RNASEH2B: variants seen among roughly 807,000 people sequenced by gnomAD.
RNASEH2B encodes ribonuclease H2 subunit B, also known as Aicardi-Goutieres syndrome 2 protein.
RNASEH2B carries 36 observed loss-of-function variants against 45.0 expected under a neutral mutation model. The observed-to-expected ratio is 0.80, with a 90% confidence interval of 0.61 to 1.06. The LOEUF is 1.06. Among genes scored for constraint, RNASEH2B ranks in the 50% least tolerant of loss-of-function variants. The pLI, the probability that RNASEH2B is intolerant of heterozygous loss-of-function variation, is 0.00. For synonymous variants in RNASEH2B, 119 were observed against 125.7 expected (o/e 0.95, Z 0.35); for missense variants, 361 against 360.3 (o/e 1.00, Z -0.02).
intron 1 of RNASEH2B, among the ~76,000 whole-genome samples, chr13:50,922,534 AC>A (rs927643970): frequency 6.6e-6 from 1 of 152,228 alleles, no homozygotes; most frequent in African/African-American, 2.4e-5. Flanking sequence ...GCATCAGCTA[AC>A]CACTAAGCTA....
chr13:50,915,352 C>T (rs971512202), intron 1 of RNASEH2B: 4 of 398,332 alleles, frequency 1.0e-5, no homozygotes, highest in Non-Finnish European at 1.8e-5. Context: ...TTGTGTCTGC[C>T]TGGAATCCTG....
intron 9 of RNASEH2B, chr13:50,951,952 C>T: frequency 6.6e-6 from 1 of 152,072 alleles, no homozygotes; most frequent in East Asian, 1.9e-4. Context: ...ACAAAAGTAC[C>T]TTTCATCTTA....
chr13:50,963,456 G>A (rs545940164), intron 9 of RNASEH2B, among the ~76,000 whole-genome samples: 1 of 152,126 alleles, frequency 6.6e-6, no homozygotes, highest in South Asian at 2.1e-4. Flanking sequence ...GAGCCACCAC[G>A]CCCGGCCTTA....
intron 4 of RNASEH2B, 137 bp from the exon 5 acceptor site, chr13:50,934,748 A>C: frequency 1.4e-6 from 1 of 703,460 alleles, no homozygotes. Flanking sequence ...GTCCCATTGT[A>C]GGGATTCCTT....
At chr13:50,943,553 C>T (rs1234906544) in intron 6 of RNASEH2B, among the ~76,000 whole-genome samples, 159 bp downstream of exon 6, 2 of 152,188 alleles carry the variant, frequency 1.3e-5, no homozygotes, top group African/African-American at 4.8e-5. Context: ...AAGGCTTTGA[C>T]TTTTTAATCC....
intron 7 of RNASEH2B, 28 bp downstream of exon 7, chr13:50,945,560 T>C (rs1347320328): frequency 1.3e-6 from 2 of 1,520,742 alleles, no homozygotes; most frequent in South Asian, 2.2e-5. Context: ...TCAGAAAAGA[T>C]TTTTGTCTGG....
rs763331403 is a variant in RNASEH2B at position 50,966,296 on chromosome 13, C to A, written c.742-3636C>A. ...TCTACATAGCCTGTCCTTTAGAATT[C>A]TTTAAGGAATTTCAGACTAGAGCCT... On this transcript the variant is annotated intron_variant, in intron 9 of 9. Coordinates refer to the RNASEH2B transcript ENST00000422660. 4.6e-5 allele frequency among the ~76,000 whole-genome samples: 7 copies of A among 152,304 alleles called. No homozygotes were observed. The South Asian group carries it at 6.2e-4, about 14-fold the overall frequency.
intron 9 of RNASEH2B, chr13:50,969,886 G>A: frequency 6.5e-7 from 1 of 1,539,314 alleles, no homozygotes; most frequent in Non-Finnish European, 8.8e-7. Context: ...TCAGGTGACT[G>A]TTTCTCCTCA....
At chr13:50,932,935 C>T (rs933630721) in intron 4 of RNASEH2B, among the ~76,000 whole-genome samples, 17 of 152,194 alleles carry the variant, frequency 1.1e-4, no homozygotes, top group African/African-American at 3.1e-4. Context: ...CCCTGCCCTC[C>T]GCCCTTCACT....
intron 4 of RNASEH2B, among the ~76,000 whole-genome samples, chr13:50,932,778 T>C (rs972031904): frequency 1.3e-5 from 2 of 152,224 alleles, no homozygotes; most frequent in Admixed American, 6.5e-5. Flanking sequence ...TGAACACTTA[T>C]AAATTTCTTA....
chr13:50,960,609 A>G (rs1952102315), downstream of RNASEH2B, among the ~76,000 whole-genome samples: 1 of 152,206 alleles, frequency 6.6e-6, no homozygotes, highest in Admixed American at 6.5e-5. Context: ...ATCAAACTGT[A>G]CCCAAATGTC....
chr13:50,929,563 A>G lies in RNASEH2B; in HGVS notation c.225A>G (p.Ile75Met). 1 of 1,608,384 alleles carries G rather than the reference A, an allele frequency of 6.2e-7. No individual in the cohort carries two copies. The highest frequency in any genetic ancestry group is 8.5e-7 in the Non-Finnish European group (1 of 1,174,850). The change falls in exon 3 of 11, where the codon ATA (isoleucine) becomes ATG (methionine). Residue 75 changes from isoleucine (I) to methionine (M), a missense_variant. Physicochemically the swap from Ile to Met is conservative, Grantham distance 10. Transcript: ENST00000336617. ...VFKEKHHSWF[I>M]NQSVQSGGLL... ...AGGAAAAACACCATTCTTGGTTTAT[A>G]AATCAATCAGTTCAATCAGGTAGGT... is the stretch of plus-strand genomic sequence containing the variant.
chr13:50,921,884 C>T (rs1226841784), intron 1 of RNASEH2B, among the ~76,000 whole-genome samples: 2 of 152,178 alleles, frequency 1.3e-5, no homozygotes, highest in African/African-American at 2.4e-5. Context: ...CTCCCATTTC[C>T]TCTCCTCAGC....
intron 9 of RNASEH2B, among the ~76,000 whole-genome samples, chr13:50,963,251 G>A (rs879540731): frequency 6.6e-6 from 1 of 151,970 alleles, no homozygotes; most frequent in African/African-American, 2.4e-5. Context: ...TGCAACTTCC[G>A]CCTCCCGGGT....
intron 7 of RNASEH2B, among the ~76,000 whole-genome samples, chr13:50,946,791 A>G (rs1383262537): frequency 1.3e-5 from 2 of 152,296 alleles, no homozygotes; most frequent in South Asian, 2.1e-4. Flanking sequence ...TAAACTTTAC[A>G]TATTTTACAT....
intron 1 of RNASEH2B, among the ~76,000 whole-genome samples, chr13:50,925,061 G>A (rs117489601): frequency 0.023 from 3,471 of 151,648 alleles, 62 homozygotes; most frequent in African/African-American, 0.044. Flanking sequence ...AAGTTGTCCC[G>A]TAGTTTACTA....
chr13:50,924,102 T>C (rs1951558781), intron 1 of RNASEH2B, among the ~76,000 whole-genome samples: 2 of 152,046 alleles, frequency 1.3e-5, no homozygotes, highest in South Asian at 4.1e-4. Context: ...AAGACAGTAA[T>C]AGGGGAATCC....
At position 50,964,600 on chromosome 13, in the gene RNASEH2B, G is replaced by A. The variant is rs193010063; in HGVS notation, c.742-5332G>A. 5.5e-4 allele frequency among the ~76,000 whole-genome samples: 84 copies of A among 152,212 alleles called. 1 individual carries two copies. The highest frequency in any genetic ancestry group is 5.0e-3 in the Admixed American group (77 of 15,284). Reference sequence around the variant, plus strand: ...TAGGAACTCTGTACCATTCAAGCTTGTGTCTTGCACGGTGCCGAGCACACA... The same window carrying A: ...TAGGAACTCTGTACCATTCAAGCTTATGTCTTGCACGGTGCCGAGCACACA... On this transcript the variant is annotated intron_variant, in intron 9 of 9. Transcript: ENST00000422660.
intron 6 of RNASEH2B, among the ~76,000 whole-genome samples, chr13:50,944,294 C>G (rs1195647860): frequency 1.3e-5 from 2 of 152,152 alleles, no homozygotes; most frequent in Non-Finnish European, 2.9e-5. Context: ...TTTGCAAGAT[C>G]AGTGGATACC....
Sources: allele counts gnomAD v4.1 joint callset (sites outside exome capture counted in the v4.1 genomes callset), GRCh38; gene constraint gnomAD v4.1.1; transcripts MANE v1.5; gene names NCBI Gene and HGNC (gene_info 2026-07-23, HGNC 2026-07-21).